The following SF3A2 variants were observed in gnomAD, a reference collection of about 807,000 sequenced individuals.
SF3A2 encodes SAP 62.
Under a neutral mutation model 31.1 loss-of-function variants are expected in SF3A2, and 5 were observed. The observed-to-expected ratio is 0.16, with a 90% CI of 0.08 to 0.34. The LOEUF is 0.34. Ranked by LOEUF, SF3A2 falls within the 10% of genes least tolerant of loss-of-function variation. The probability of loss-of-function intolerance (pLI) is 1.00; values close to 1 mark genes in which losing one functional copy is unlikely to be tolerated. For missense variants in SF3A2, 577 were observed against 643.9 expected, an observed-to-expected ratio of 0.90 and a Z score of 1.13; for synonymous variants, 365 against 263.7, an observed-to-expected ratio of 1.38 and a Z score of -3.72.
chr19:2,246,624 A>G lies in SF3A2; in HGVS notation c.356-129A>G, dbSNP rs886901529. The G allele has an allele frequency of 2.0e-6, 2 of 1,024,866 alleles. No homozygotes were observed. Among genetic ancestry groups the G allele is most frequent in the Non-Finnish European group, 2.9e-6 (2 of 691,124 alleles). The allele number at this position is 1,024,866 out of a possible 1,614,324, so 63.5% of individuals were successfully genotyped here. ...CCAGAGCCTGGGCGGAGATTGTCTA[A>G]TGGTTGCCAGAGCTGCAGGGCCTCC... is the stretch of plus-strand genomic sequence containing the variant. On this transcript the variant is annotated intron_variant, in intron 5 of 8. Transcript: ENST00000221494. The surrounding 1 kb of genome is among the most constrained non-coding windows in gnomAD (Gnocchi z 5.5).
At chr19:2,240,012 A>C (rs1311292068) in intron 1 of SF3A2, among the ~76,000 whole-genome samples, 1 of 152,188 alleles carries the variant, frequency 6.6e-6, no homozygotes, top group East Asian at 1.9e-4. Context: ...TCTCTTTAAG[A>C]ACAAAGCGGC....
At chr19:2,238,260 G>T (rs1158643109) in intron 1 of SF3A2, among the ~76,000 whole-genome samples, 2 of 152,176 alleles carry the variant, frequency 1.3e-5, no homozygotes, top group Non-Finnish European at 2.9e-5. Context: ...CTGACCAGGT[G>T]ATCCACCTGC....
At chr19:2,247,146 C>T (rs1352922790) in intron 7 of SF3A2, 124 bp downstream of exon 7, 2 of 1,294,850 alleles carry the variant, frequency 1.5e-6, no homozygotes, top group African/African-American at 3.0e-5. Context: ...CAAGTCGGAG[C>T]CAGAAGGGTC....
At chr19:2,239,734 C>G (rs993814134) in intron 1 of SF3A2, among the ~76,000 whole-genome samples, 2 of 152,054 alleles carry the variant, frequency 1.3e-5, no homozygotes, top group African/African-American at 4.8e-5. Context: ...GGAATGTCCT[C>G]TAGGTTCTTG....
chr19:2,247,321 C>T (rs961069881), intron 7 of SF3A2: 5 of 558,532 alleles, frequency 9.0e-6, no homozygotes, highest in Admixed American at 3.3e-5. Flanking sequence ...GGGCTTCCTA[C>T]AGCCTGTCCC....
chr19:2,247,530 C>T, intron 7 of SF3A2, 64 bp from the exon 8 acceptor site: 1 of 1,566,920 alleles, frequency 6.4e-7, no homozygotes, highest in Non-Finnish European at 8.8e-7. Context: ...CCTCGGGCTC[C>T]CTGCCTGATG....
Position 2,245,978 on chromosome 19 carries a change from G to GC in SF3A2, c.355+423_355+424insC. The GC allele has an allele frequency of 4.8e-6, 1 of 209,432 alleles. No homozygotes were observed. Among genetic ancestry groups the GC allele is most frequent in the Non-Finnish European group, 9.7e-6 (1 of 103,308 alleles). 13.0% of individuals were successfully genotyped at this position (209,432 alleles called of 1,614,324 possible). ...CCCTCAGCAGTGGGAATGGCTAGAG[G>GC]TGACCCCGGTTCAGAAAGCTGGGGA... On this transcript the variant is annotated intron_variant, in intron 5 of 8. Transcript: ENST00000221494. This position sits in a 1 kb window ranked among gnomAD's most constrained non-coding sequence, Gnocchi z 4.2.
chr19:2,246,866 G>A lies in SF3A2; in HGVS notation c.406-16G>A, dbSNP rs200981649. 10 of 1,612,432 alleles carry A rather than the reference G, an allele frequency of 6.2e-6. No individual in the cohort carries two copies. Among genetic ancestry groups the A allele is most frequent in the African/African-American group, 1.3e-5 (1 of 74,858 alleles). On this transcript the variant is annotated splice_polypyrimidine_tract_variant and intron_variant, in intron 6 of 8. Transcript: ENST00000221494. This position sits in a 1 kb window ranked among gnomAD's most constrained non-coding sequence, Gnocchi z 5.5. The stretch of plus-strand genomic sequence containing the variant: ...CACCCAAGAGGCGGCTCTGCCACCC[G>A]GCCGTGTCCCTGCAGATTGACTACC...
chr19:2,240,893 G>A (rs556947061), intron 1 of SF3A2, among the ~76,000 whole-genome samples: 49 of 152,374 alleles, frequency 3.2e-4, no homozygotes. Flanking sequence ...GCATGGAGGA[G>A]CAAAGCGCAG....
Position 2,248,090 on chromosome 19 carries a change from T to A in SF3A2, c.939T>A (p.Pro313=). 2 of 938,248 alleles carry A rather than the reference T, an allele frequency of 2.1e-6. No homozygotes were observed. Among genetic ancestry groups the A allele is most frequent in the East Asian group, 2.8e-5 (1 of 36,342 alleles). 58.1% of individuals were successfully genotyped at this position (938,248 alleles called of 1,614,324 possible). Residue 313 remains proline, a synonymous_variant, in exon 9 of 9, where the codon CCT becomes CCA. Transcript: ENST00000221494. The part of the protein sequence containing the change: ...PPAPGVHPPA[P]GVHPPAPGVH... ...CTCCTGGCGTCCACCCCCCAGCTCC[T>A]GGCGTCCATCCCCCAGCCCCTGGGG... is the stretch of plus-strand genomic sequence containing the variant.
intron 1 of SF3A2, among the ~76,000 whole-genome samples, chr19:2,240,469 T>C (rs759897273): frequency 4.6e-5 from 7 of 152,158 alleles, no homozygotes; most frequent in Non-Finnish European, 8.8e-5. Context: ...ACAGTGTGGG[T>C]GTTCGGTGGC....
intron 1 of SF3A2, chr19:2,237,964 C>G (rs1164974827): frequency 1.3e-5 from 2 of 152,272 alleles, no homozygotes; most frequent in Non-Finnish European, 2.9e-5. Flanking sequence ...GGTCTAGTCC[C>G]AGGTCCCAGA....
In SF3A2 at chr19:2,245,021, C is replaced by G. The variant is rs933442716; in HGVS notation, c.245+242C>G. On this transcript the variant is annotated intron_variant, in intron 4 of 8. Coordinates refer to ENST00000221494, the MANE Select transcript of SF3A2 (RefSeq NM_007165.5). This position sits in a 1 kb window ranked among gnomAD's most constrained non-coding sequence, Gnocchi z 4.2. Reference sequence around the variant, plus strand: ...CCAACATTGTGAAACTCCATCTCTACTAAAAATACAAAAATTAGGCCAGGC... The same window carrying G: ...CCAACATTGTGAAACTCCATCTCTAGTAAAAATACAAAAATTAGGCCAGGC... 5.3e-6 allele frequency: 3 copies of G among 565,186 alleles called. No homozygotes were observed. Among genetic ancestry groups the G allele is most frequent in the African/African-American group, 3.8e-5 (2 of 53,078 alleles). The allele number at this position is 565,186 out of a possible 1,614,324, so 35.0% of individuals were successfully genotyped here.
intron 2 of SF3A2, 32 bp downstream of exon 2, chr19:2,243,576 G>T (rs2024908318): frequency 6.5e-7 from 1 of 1,530,262 alleles, no homozygotes. Flanking sequence ...TGCCTGTGGT[G>T]GGTGCTGGGC....
chr19:2,240,847 A>G (rs975388555), intron 1 of SF3A2, among the ~76,000 whole-genome samples: 2 of 152,186 alleles, frequency 1.3e-5, no homozygotes, highest in African/African-American at 4.8e-5. Flanking sequence ...GGCCATCTGC[A>G]CCTGTCCTGG....
chr19:2,243,583 G>A (rs2024908392), intron 2 of SF3A2, 39 bp downstream of exon 2: 1 of 1,504,988 alleles, frequency 6.6e-7, no homozygotes, highest in Admixed American at 2.8e-5. Context: ...GGTGGGTGCT[G>A]GGCTTTCCAG....
rs372048213 is a variant in SF3A2, at chr19:2,243,319, G to A, written c.-37-63G>A. The A allele has an allele frequency of 3.0e-4, 402 of 1,352,466 alleles. 1 individual carries two copies. The African/African-American group carries it at 5.4e-3, about 18-fold the overall frequency. 83.8% of individuals were successfully genotyped at this position (1,352,466 alleles called of 1,614,324 possible). A position where few individuals can be genotyped will look rare whatever the true frequency, so the allele number is the denominator to read the frequency against. ...AGGGCTCCAGCCCAGCCCGCCCAGG[G>A]AGGTCCCAGCAGCAGCCCCGAGTTC... On this transcript the variant is annotated intron_variant, in intron 1 of 8. Coordinates refer to ENST00000221494, the MANE Select transcript of SF3A2 (RefSeq NM_007165.5).
At chr19:2,242,902 A>G (rs923768419) in intron 1 of SF3A2, among the ~76,000 whole-genome samples, 1 of 152,262 alleles carries the variant, frequency 6.6e-6, no homozygotes, top group Non-Finnish European at 1.5e-5. Context: ...ACAAATTTAC[A>G]TCGAGCCCAA....
chr19:2,238,778 C>T (rs1381065161), intron 1 of SF3A2, among the ~76,000 whole-genome samples: 1 of 152,220 alleles, frequency 6.6e-6, no homozygotes, highest in African/African-American at 2.4e-5. Flanking sequence ...TCTCCCCTCA[C>T]CACTTCCCTC....
Sources: gnomAD v4.1 joint callset for allele counts (sites outside exome capture counted in the v4.1 genomes callset) on GRCh38, gnomAD v4.1.1 for gene constraint, Gnocchi (gnomAD v3.1) non-coding constraint, MANE v1.5 for transcripts, NCBI Gene and HGNC (gene_info 2026-07-23, HGNC 2026-07-21) for gene names.